Variants in MBP observed in about 807,000 individuals in gnomAD.
MBP encodes the protein myelin basic protein.
Under a neutral mutation model 35.8 loss-of-function variants are expected in MBP, and 16 were observed. The ratio of observed to expected loss-of-function variants is 0.45; its 90% CI spans 0.30 to 0.68. The LOEUF is 0.68. MBP is among the 30% of genes least tolerant of loss of function. The pLI is 0.08. For missense variants in MBP, 380 were observed against 404.7 expected (o/e 0.94, Z 0.52); for synonymous variants, 143 against 159.6 (o/e 0.90, Z 0.78).
chr18:77,021,222 G>A lies in MBP; in HGVS notation c.140-3954C>T, dbSNP rs111333985. ...TGGGACTGACACATTTCCCACCTGA[G>A]TTAAGTTTGTACTTGGTAAGGTTAG... On this transcript the variant is annotated intron_variant, in intron 3 of 8. Coordinates refer to ENST00000355994, the MANE Select transcript of MBP (RefSeq NM_001025101.2). Among the ~76,000 whole-genome samples the A allele has an allele frequency of 1.6e-3, 237 of 152,266 alleles. 1 individual carries two copies. Among genetic ancestry groups the A allele is most frequent in the African/African-American group, 5.4e-3 (226 of 41,550 alleles).
chr18:77,083,411 T>C (rs1024181607), intron 2 of MBP, among the ~76,000 whole-genome samples: 1 of 152,230 alleles, frequency 6.6e-6, no homozygotes. Flanking sequence ...CAAATTTTGA[T>C]AGTATCAGAG....
intron 3 of MBP, among the ~76,000 whole-genome samples, chr18:77,026,712 TA>T (rs1035304414): frequency 1.3e-5 from 2 of 152,042 alleles, no homozygotes; most frequent in African/African-American, 2.4e-5. Context: ...CAAAAAAAAT[TA>T]AAAATTAGCT....
rs1969655276 is a variant in MBP, at chr18:76,988,024, G to A, written c.750+471C>T. 7.3e-7 allele frequency: 1 copy of A among 1,368,312 alleles called. No individual in the cohort carries two copies. Among genetic ancestry groups the A allele is most frequent in the East Asian group, 3.0e-5 (1 of 33,566 alleles). The allele number at this position is 1,368,312 out of a possible 1,614,324, so 84.8% of individuals were successfully genotyped here. Reference sequence around the variant, plus strand: ...GATTAATGAGGTTATTATAAATCGAGCAACTCTATTTAGCCTCTTTTTCTG... The same window carrying A: ...GATTAATGAGGTTATTATAAATCGAACAACTCTATTTAGCCTCTTTTTCTG... On this transcript the variant is annotated intron_variant, in intron 7 of 8. Coordinates refer to ENST00000355994, the MANE Select transcript of MBP (RefSeq NM_001025101.2). The surrounding 1 kb of genome is among the most constrained non-coding windows in gnomAD (Gnocchi z 5.2).
chr18:77,038,497 A>G (rs969377766), intron 3 of MBP, among the ~76,000 whole-genome samples: 8 of 152,226 alleles, frequency 5.3e-5, no homozygotes, highest in African/African-American at 1.9e-4. Flanking sequence ...TTTGTTTGAC[A>G]TCATATTTGG....
intron 2 of MBP, among the ~76,000 whole-genome samples, chr18:77,075,165 C>T (rs1599191538): frequency 6.6e-6 from 1 of 152,136 alleles, no homozygotes; most frequent in Non-Finnish European, 1.5e-5. Context: ...ACTCTCTTGC[C>T]CTTTTTGTCT....
intron 3 of MBP, among the ~76,000 whole-genome samples, chr18:77,026,597 C>T (rs4890878): frequency 0.57 from 86,809 of 151,946 alleles, 25,794 homozygotes; most frequent in Non-Finnish European, 0.64. Flanking sequence ...TATAATTTCA[C>T]TAGGGAATTT....
At chr18:77,013,458 T>C in intron 4 of MBP, 2 of 985,370 alleles carry the variant, frequency 2.0e-6, no homozygotes, top group South Asian at 4.7e-5. Context: ...GGAATTAGGT[T>C]ACTGTAGAAC....
intron 3 of MBP, among the ~76,000 whole-genome samples, chr18:77,048,508 G>A (rs7239582): frequency 0.62 from 94,475 of 151,724 alleles, 29,674 homozygotes; most frequent in East Asian, 0.78. Context: ...TCGCTCTGTC[G>A]CCCAGGCTGG....
chr18:76,986,630 G>A (rs1969571673), intron 7 of MBP: 2 of 985,542 alleles, frequency 2.0e-6, no homozygotes, highest in South Asian at 4.7e-5. Context: ...CACTGCACAC[G>A]AGGGGACAGC....
chr18:76,986,343 G>A (rs1282866165), intron 7 of MBP: 1 of 985,404 alleles, frequency 1.0e-6, no homozygotes, highest in African/African-American at 1.7e-5. Flanking sequence ...AAGTGTTTTA[G>A]GACAGGGAGG....
chr18:77,023,787 C>T (rs1972087426), intron 3 of MBP, among the ~76,000 whole-genome samples: 1 of 152,198 alleles, frequency 6.6e-6, no homozygotes, highest in African/African-American at 2.4e-5. Flanking sequence ...CCCAGACACC[C>T]TTCTCCGAGT....
intron 4 of MBP, among the ~76,000 whole-genome samples, chr18:76,991,980 C>A (rs1050153575): frequency 1.3e-5 from 2 of 152,230 alleles, no homozygotes; most frequent in African/African-American, 4.8e-5. Flanking sequence ...GCTGCAGCCA[C>A]AAAGGACAAT....
rs909663139 is a variant in MBP at position 77,082,064 on chromosome 18, G to C, written c.52-15679C>G. Among the ~76,000 whole-genome samples, 11 of 151,508 alleles carry C rather than the reference G, an allele frequency of 7.3e-5. No individual in the cohort carries two copies. In the East Asian group the frequency reaches 1.6e-3, roughly 22 times the overall value. On this transcript the variant is annotated intron_variant, in intron 2 of 8. Transcript: ENST00000355994. ...AGACGGGGTTTCACTGTGTTAGCCG[G>C]GATGGTTTCGATCTCCTGACCTTGT...
At chr18:77,056,699 A>G (rs1296852149) in intron 3 of MBP, among the ~76,000 whole-genome samples, 1 of 152,134 alleles carries the variant, frequency 6.6e-6, no homozygotes, top group East Asian at 1.9e-4. Context: ...TCCTACTGCA[A>G]TAGTCTGGGA....
chr18:77,030,754 C>CT (rs939445921), intron 3 of MBP, among the ~76,000 whole-genome samples: 1 of 152,148 alleles, frequency 6.6e-6, no homozygotes, highest in African/African-American at 2.4e-5. Flanking sequence ...TAAAGCTATG[C>CT]TTTTTTAAAC....
intron 3 of MBP, among the ~76,000 whole-genome samples, chr18:77,032,207 ATACTT>A (rs1972567645): frequency 6.6e-6 from 1 of 152,210 alleles, no homozygotes; most frequent in Non-Finnish European, 1.5e-5. Flanking sequence ...TGTTTGTGGA[ATACTT>A]GTGTCACGGC....
intron 2 of MBP, among the ~76,000 whole-genome samples, chr18:77,089,153 G>A (rs75157458): frequency 2.9e-4 from 44 of 152,364 alleles, no homozygotes; most frequent in East Asian, 1.5e-3. Context: ...TGCCTTCTCC[G>A]AACTACACGG....
Position 77,131,033 on chromosome 18 carries a change from AAAAAAAAACAAAACCTC to A in MBP, c.-26+1530_-26+1546del. Among the ~76,000 whole-genome samples the A allele has an allele frequency of 8.4e-6, 1 of 118,672 alleles. No individual in the cohort carries two copies. The highest frequency in any genetic ancestry group is 2.5e-4 in the South Asian group (1 of 4,056). The allele number at this position is 118,672 out of a possible 152,430, so 77.9% of individuals were successfully genotyped here. On this transcript the variant is annotated intron_variant, in intron 1 of 8. Transcript: ENST00000355994. This position sits in a 1 kb window ranked among gnomAD's most constrained non-coding sequence, Gnocchi z 5.5. ...GATTTCTGTTTTTCCCACAAAAAAAAAAAAAAAACAAAACCTCAAAAAACAAAACACACACACGCGCG... is the reference window on the plus strand; with the variant it reads ...GATTTCTGTTTTTCCCACAAAAAAAAAAAAAACAAAACACACACACGCGCG...
chr18:76,987,739 A>C (rs1052900115), intron 7 of MBP: 1 of 994,834 alleles, frequency 1.0e-6, no homozygotes, highest in Non-Finnish European at 1.2e-6. Context: ...TAAAATTATA[A>C]CTTTTATACA....
Sources: allele counts gnomAD v4.1 joint callset (sites outside exome capture counted in the v4.1 genomes callset), GRCh38; gene constraint gnomAD v4.1.1; non-coding constraint Gnocchi (gnomAD v3.1); transcripts MANE v1.5; gene names NCBI Gene and HGNC (gene_info 2026-07-23, HGNC 2026-07-21).